The following XYLT1 variants were observed in gnomAD, a reference collection of about 807,000 sequenced individuals.
XYLT1 encodes the protein beta-D-xylosyltransferase 1.
XYLT1 carries 36 observed loss-of-function variants against 91.3 expected under a neutral mutation model. That is an observed-to-expected ratio of 0.39 (90% CI 0.30 to 0.52). The LOEUF (loss-of-function observed/expected upper bound fraction) is 0.52. Among genes scored for constraint, XYLT1 ranks in the 20% least tolerant of loss-of-function variants. The pLI is 0.68. For synonymous variants in XYLT1, 588 were observed against 532.0 expected (o/e 1.11, Z -1.45); for missense variants, 1,242 against 1,284.5 (o/e 0.97, Z 0.51).
chr16:17,300,877 A>G (rs759022076), intron 2 of XYLT1, among the ~76,000 whole-genome samples: 8 of 152,184 alleles, frequency 5.3e-5, no homozygotes, highest in Non-Finnish European at 8.8e-5. Flanking sequence ...GTTTGCTGCT[A>G]TAAGTTAGAC....
intron 1 of XYLT1, among the ~76,000 whole-genome samples, chr16:17,418,810 T>A (rs2036213020): frequency 6.6e-6 from 1 of 151,728 alleles, no homozygotes; most frequent in African/African-American, 2.4e-5. Flanking sequence ...ATGGTACCAC[T>A]GCACTCCAGC....
intron 6 of XYLT1, among the ~76,000 whole-genome samples, chr16:17,143,948 A>G (rs1432068191): frequency 6.6e-6 from 1 of 152,178 alleles, no homozygotes; most frequent in Non-Finnish European, 1.5e-5. Context: ...CTTCATCCCC[A>G]TTATCACTAC....
chr16:17,277,732 T>C (rs2033999218), intron 2 of XYLT1, among the ~76,000 whole-genome samples: 1 of 152,144 alleles, frequency 6.6e-6, no homozygotes. Flanking sequence ...AATGTTTAGA[T>C]CCTAATTCCA....
chr16:17,322,163 G>A (rs955565106), intron 2 of XYLT1, among the ~76,000 whole-genome samples: 6 of 152,220 alleles, frequency 3.9e-5, no homozygotes, highest in Admixed American at 2.6e-4. Flanking sequence ...ATAAGACAGC[G>A]GGGACAGCAA....
Position 17,285,689 on chromosome 16 carries a change from C to G in XYLT1, c.403-26191G>C, listed in dbSNP as rs543395945. ...GCATTCAAATGACCCCTGCCTCTGT[C>G]TCCTTCACCAGACTTTCTCCTCCTC... On this transcript the variant is annotated intron_variant, in intron 2 of 11. Transcript: ENST00000261381. 6.8e-4 allele frequency among the ~76,000 whole-genome samples: 103 copies of G among 152,352 alleles called. 1 individual carries two copies. The highest frequency in any genetic ancestry group is 2.4e-3 in the African/African-American group (99 of 41,594).
intron 1 of XYLT1, among the ~76,000 whole-genome samples, chr16:17,433,769 G>A (rs2036419234): frequency 6.6e-6 from 1 of 152,186 alleles, no homozygotes; most frequent in African/African-American, 2.4e-5. Flanking sequence ...ATTTGAATCA[G>A]GAACACTAGC....
intron 1 of XYLT1, among the ~76,000 whole-genome samples, chr16:17,424,792 C>T (rs531667428): frequency 6.7e-6 from 1 of 149,532 alleles, no homozygotes; most frequent in Non-Finnish European, 1.5e-5. Flanking sequence ...TGCTTGAACC[C>T]GGGAGGCAGA....
rs770182325 is a variant in XYLT1, at chr16:17,259,108, T to C, written c.793A>G (p.Ile265Val). ...PKCDISGKEA[I>V]SALSRAKSKH... is the part of the protein sequence containing the mutation. ...GACTTAGCACGGGACAGGGCAGAGA[T>C]GGCCTCCTTGCCTGAGATGTCACAC... is the stretch of plus-strand genomic sequence containing the variant. The change falls in exon 3 of 12, where the codon ATC becomes GTC. Residue 265 changes from isoleucine to valine, a missense_variant. Physicochemically the swap from Ile to Val is conservative, Grantham distance 29. Around this residue, in one of 3 missense-constraint regions of XYLT1, gnomAD observed 437 missense variants for 411.5 expected, o/e 1.06. Transcript: ENST00000261381. 5.1e-6 allele frequency: 8 copies of C among 1,571,038 alleles called. No homozygotes were observed. The highest frequency in any genetic ancestry group is 6.9e-6 in the Non-Finnish European group (8 of 1,159,732).
intron 1 of XYLT1, among the ~76,000 whole-genome samples, chr16:17,408,528 T>C (rs1283276371): frequency 6.6e-6 from 1 of 152,158 alleles, no homozygotes; most frequent in Non-Finnish European, 1.5e-5. Context: ...CACCACAATA[T>C]CCTTGGTTGA....
At chr16:17,398,401 C>T (rs1006103187) in intron 1 of XYLT1, among the ~76,000 whole-genome samples, 1 of 152,186 alleles carries the variant, frequency 6.6e-6, no homozygotes, top group East Asian at 1.9e-4. Context: ...GCAGAGACAG[C>T]TGAAACTTCG....
At chr16:17,281,526 A>T (rs1297573699) in intron 2 of XYLT1, among the ~76,000 whole-genome samples, 1 of 152,218 alleles carries the variant, frequency 6.6e-6, no homozygotes, top group Non-Finnish European at 1.5e-5. Context: ...GATGGTCATG[A>T]TTCCTAAAAT....
In XYLT1 at chr16:17,103,582, A is replaced by G. The variant is rs967024722; in HGVS notation, c.*5113T>C. On this transcript the variant is annotated 3_prime_UTR_variant, in exon 12 of 12. Coordinates refer to ENST00000261381, the MANE Select transcript of XYLT1 (RefSeq NM_022166.4). The stretch of plus-strand genomic sequence containing the variant: ...AATAATGTTAAGGCCACATTTCAAA[A>G]AGGAGAAACCTAAGGCTTTTGTTTT... 2.0e-5 allele frequency: 3 copies of G among 152,204 alleles called. No individual in the cohort carries two copies. Among genetic ancestry groups the G allele is most frequent in the African/African-American group, 7.2e-5 (3 of 41,442 alleles). The allele number at this position is 152,204 out of a possible 1,614,324, so 9.4% of individuals were successfully genotyped here.
At chr16:17,448,158 A>T (rs1162304586) in intron 1 of XYLT1, among the ~76,000 whole-genome samples, 5 of 152,268 alleles carry the variant, frequency 3.3e-5, no homozygotes, top group African/African-American at 1.2e-4. Context: ...ACTTGAGGTC[A>T]GGAGTTCAAG....
chr16:17,261,835 C>T (rs916655183), intron 2 of XYLT1, among the ~76,000 whole-genome samples: 6 of 152,142 alleles, frequency 3.9e-5, no homozygotes, highest in East Asian at 1.9e-4. Context: ...GGTCACAGGG[C>T]GGCTACTGGT....
intron 2 of XYLT1, among the ~76,000 whole-genome samples, chr16:17,349,897 G>A (rs886408423): frequency 1.3e-5 from 2 of 150,756 alleles, no homozygotes; most frequent in African/African-American, 2.4e-5. Context: ...TTTTTTAGAC[G>A]GAGTCTCGCT....
intron 2 of XYLT1, among the ~76,000 whole-genome samples, chr16:17,324,646 G>A (rs1389285927): frequency 6.6e-6 from 1 of 152,220 alleles, no homozygotes; most frequent in Admixed American, 6.5e-5. Flanking sequence ...ACTGGTCCAT[G>A]GACCGACAAC....
At chr16:17,431,861 T>G (rs1433677145) in intron 1 of XYLT1, among the ~76,000 whole-genome samples, 4 of 152,160 alleles carry the variant, frequency 2.6e-5, no homozygotes, top group Non-Finnish European at 4.4e-5. Context: ...CTAGCAAGAC[T>G]GGAGGGTGGA....
intron 7 of XYLT1, among the ~76,000 whole-genome samples, chr16:17,140,312 C>A (rs1319961758): frequency 6.6e-6 from 1 of 152,086 alleles, no homozygotes; most frequent in African/African-American, 2.4e-5. Context: ...AAAAGGCATG[C>A]TTGGTGTAAA....
intron 3 of XYLT1, among the ~76,000 whole-genome samples, chr16:17,200,958 A>AT (rs1567320304): frequency 6.6e-6 from 1 of 152,230 alleles, no homozygotes; most frequent in African/African-American, 2.4e-5. Context: ...GGTGAGAGCT[A>AT]TAAGAGATGT....
Sources: gnomAD v4.1 joint callset for allele counts (sites outside exome capture counted in the v4.1 genomes callset) on GRCh38, gnomAD v4.1.1 for gene constraint, gnomAD v4.1.1 regional missense constraint, MANE v1.5 for transcripts, NCBI Gene and HGNC (gene_info 2026-07-23, HGNC 2026-07-21) for gene names.